The following GRXCR1 variants were observed in gnomAD, a reference collection of about 807,000 sequenced individuals.
GRXCR1 encodes glutaredoxin and cysteine rich domain containing 1, also known as glutaredoxin domain-containing cysteine-rich protein 1.
A neutral mutation model predicts 27.3 loss-of-function variants in GRXCR1; 27 were observed. The observed-to-expected ratio is 0.99, with a 90% CI of 0.73 to 1.37. GRXCR1 has a LOEUF of 1.37. GRXCR1 is among the 40% of genes most tolerant of loss of function. GRXCR1 has a pLI of 0.00. For missense variants in GRXCR1, 379 were observed against 354.4 expected (o/e 1.07, Z -0.56); for synonymous variants, 122 against 131.1 (o/e 0.93, Z 0.47).
intron 2 of GRXCR1, among the ~76,000 whole-genome samples, chr4:43,018,382 C>A (rs549461770): frequency 6.6e-6 from 1 of 152,200 alleles, no homozygotes; most frequent in Non-Finnish European, 1.5e-5. Context: ...GTATACTAGA[C>A]ACCCAGGTGT....
At chr4:42,926,457 A>T (rs1191604585) in intron 1 of GRXCR1, among the ~76,000 whole-genome samples, 1 of 151,642 alleles carries the variant, frequency 6.6e-6, no homozygotes, top group Non-Finnish European at 1.5e-5. Flanking sequence ...CCCAACTTAT[A>T]TTTTTAAAAC....
In GRXCR1 at chr4:42,893,593, C is replaced by T. The variant is rs765992635; in HGVS notation, c.327C>T (p.Val109=). The change falls in exon 1 of 4, where the codon GTC becomes GTT. Residue 109 remains valine (V), a synonymous_variant. Coordinates refer to ENST00000399770, the MANE Select transcript of GRXCR1 (RefSeq NM_001080476.3). ...GCAAAAATGGCACAGTCAGAGGCGT[C>T]AAATACAAAGTGAGTGCTGGCCAGG... The part of the protein sequence containing the change: ...ILSKNGTVRG[V]KYKVSAGQAL... The T allele has an allele frequency of 6.2e-7, 1 of 1,613,680 alleles. No homozygotes were observed.
intron 1 of GRXCR1, among the ~76,000 whole-genome samples, chr4:42,906,409 C>G (rs1205288306): frequency 6.6e-6 from 1 of 152,126 alleles, no homozygotes; most frequent in African/African-American, 2.4e-5. Flanking sequence ...ACATCAAAAG[C>G]AAAATAAAGT....
At chr4:42,994,799 T>A (rs1179651128) in intron 2 of GRXCR1, among the ~76,000 whole-genome samples, 1 of 152,134 alleles carries the variant, frequency 6.6e-6, no homozygotes, top group South Asian at 2.1e-4. Flanking sequence ...TAGATTTGAA[T>A]TTTGAAAGTT....
intron 1 of GRXCR1, among the ~76,000 whole-genome samples, chr4:42,946,566 A>G (rs932295024): frequency 1.3e-5 from 2 of 152,186 alleles, no homozygotes; most frequent in Non-Finnish European, 2.9e-5. Flanking sequence ...TTTATTTTTC[A>G]CAGTTCTGGA....
chr4:43,008,622 G>A (rs1235732423), intron 2 of GRXCR1, among the ~76,000 whole-genome samples: 5 of 152,078 alleles, frequency 3.3e-5, no homozygotes, highest in African/African-American at 9.7e-5. Context: ...ATTGGACTGT[G>A]GTTTGACATT....
intron 2 of GRXCR1, among the ~76,000 whole-genome samples, chr4:42,979,294 C>T (rs1275794409): frequency 6.6e-6 from 1 of 152,016 alleles, no homozygotes; most frequent in African/African-American, 2.4e-5. Context: ...ATCTTTTCCT[C>T]ATTGAGTATG....
chr4:42,950,457 T>C (rs1489806586), intron 1 of GRXCR1, among the ~76,000 whole-genome samples: 2 of 152,200 alleles, frequency 1.3e-5, no homozygotes, highest in African/African-American at 4.8e-5. Flanking sequence ...CAGTTTTATC[T>C]ACAGAGATTA....
At chr4:42,906,720 A>G (rs2109742159) in intron 1 of GRXCR1, among the ~76,000 whole-genome samples, 1 of 152,292 alleles carries the variant, frequency 6.6e-6, no homozygotes. Context: ...GCAACCCTTC[A>G]TTGAATGCCT....
chr4:42,999,791 T>C (rs530654314), intron 2 of GRXCR1, among the ~76,000 whole-genome samples: 1 of 152,352 alleles, frequency 6.6e-6, no homozygotes, highest in South Asian at 2.1e-4. Context: ...AGTAGACAAC[T>C]TGATGCAGCC....
At chr4:42,985,473 A>T (rs1711684877) in intron 2 of GRXCR1, among the ~76,000 whole-genome samples, 1 of 152,192 alleles carries the variant, frequency 6.6e-6, no homozygotes, top group African/African-American at 2.4e-5. Context: ...AAAGTTAATA[A>T]ACATTTTAAT....
At chr4:42,958,339 T>C (rs1748055739) in intron 1 of GRXCR1, among the ~76,000 whole-genome samples, 1 of 151,976 alleles carries the variant, frequency 6.6e-6, no homozygotes, top group Non-Finnish European at 1.5e-5. Flanking sequence ...CAATGGGAAA[T>C]GGTGTTGGGA....
intron 2 of GRXCR1, among the ~76,000 whole-genome samples, chr4:42,986,618 T>C (rs1470840328): frequency 6.6e-6 from 1 of 152,228 alleles, no homozygotes; most frequent in Non-Finnish European, 1.5e-5. Context: ...TTTTTACTTA[T>C]ACATTTTATT....
intron 2 of GRXCR1, among the ~76,000 whole-genome samples, chr4:43,001,360 A>G (rs1712351855): frequency 6.6e-6 from 1 of 152,126 alleles, no homozygotes; most frequent in African/African-American, 2.4e-5. Flanking sequence ...AATTGGGCGT[A>G]GGGCTTGATG....
intron 1 of GRXCR1, among the ~76,000 whole-genome samples, chr4:42,917,437 T>C (rs1296695403): frequency 2.0e-5 from 3 of 152,038 alleles, no homozygotes; most frequent in African/African-American, 4.8e-5. Flanking sequence ...AAATGAAGGG[T>C]TGGAAAAACT....
chr4:42,986,036 G>C (rs1335549036), intron 2 of GRXCR1, among the ~76,000 whole-genome samples: 1 of 152,152 alleles, frequency 6.6e-6, no homozygotes, highest in African/African-American at 2.4e-5. Context: ...AATGTAAATA[G>C]CTCCTGAGCC....
intron 2 of GRXCR1, among the ~76,000 whole-genome samples, chr4:42,972,514 C>T (rs1018007615): frequency 6.6e-6 from 1 of 152,134 alleles, no homozygotes; most frequent in Non-Finnish European, 1.5e-5. Context: ...GTGATTGCTC[C>T]TCTGTCCCTT....
At chr4:42,984,797 T>G (rs982645523) in intron 2 of GRXCR1, among the ~76,000 whole-genome samples, 1 of 152,176 alleles carries the variant, frequency 6.6e-6, no homozygotes, top group Non-Finnish European at 1.5e-5. Flanking sequence ...GCTGCTGAAG[T>G]TGGCCTGACA....
intron 2 of GRXCR1, among the ~76,000 whole-genome samples, chr4:43,008,476 C>T (rs960902010): frequency 1.3e-5 from 2 of 152,188 alleles, no homozygotes; most frequent in African/African-American, 4.8e-5. Context: ...GGCACAAGAT[C>T]TATGACCAGA....
Sources: allele counts gnomAD v4.1 joint callset (sites outside exome capture counted in the v4.1 genomes callset), GRCh38; gene constraint gnomAD v4.1.1; transcripts MANE v1.5; gene names NCBI Gene and HGNC (gene_info 2026-07-23, HGNC 2026-07-21).